The following EFCAB7 variants were observed in gnomAD, a reference collection of about 807,000 sequenced individuals.
The protein encoded by EFCAB7 is EF-hand calcium-binding domain-containing protein 7.
A neutral mutation model predicts 77.1 loss-of-function variants in EFCAB7; 66 were observed. The observed-to-expected ratio is 0.86, with a 90% confidence interval of 0.70 to 1.05. The LOEUF is 1.05. Among genes scored for constraint, EFCAB7 ranks in the 50% least tolerant of loss-of-function variants. The pLI is 0.00. For missense variants in EFCAB7, 638 were observed against 730.5 expected (o/e 0.87, Z 1.46); for synonymous variants, 225 against 243.3 (o/e 0.92, Z 0.70).
intron 11 of EFCAB7, 79 bp from the exon 12 acceptor site, chr1:63,568,231 T>A: frequency 4.0e-6 from 5 of 1,235,926 alleles, no homozygotes; most frequent in Non-Finnish European, 5.6e-6. Flanking sequence ...GTATAGCATA[T>A]CTTCTTATAT....
the EFCAB7 span, among the ~76,000 whole-genome samples, chr1:63,581,932 A>G: frequency 6.6e-6 from 1 of 152,264 alleles, no homozygotes; most frequent in South Asian, 2.1e-4. Flanking sequence ...TGCCATTCAT[A>G]GTCGAGACAA....
At chr1:63,526,815 A>T (rs1406543792) in intron 2 of EFCAB7, among the ~76,000 whole-genome samples, 3 of 151,818 alleles carry the variant, frequency 2.0e-5, no homozygotes, top group Admixed American at 2.0e-4. Flanking sequence ...TCCAGGCTGG[A>T]GTGCAGTGGC....
chr1:63,577,378 C>CCAG (rs901302366), downstream of EFCAB7, among the ~76,000 whole-genome samples: 20 of 152,082 alleles, frequency 1.3e-4, no homozygotes, highest in Admixed American at 6.6e-5. Flanking sequence ...AAATTCAAGG[C>CCAG]CAGCTTAAGT....
At chr1:63,542,396 G>C (rs1310727921) in intron 6 of EFCAB7, among the ~76,000 whole-genome samples, 3 of 152,128 alleles carry the variant, frequency 2.0e-5, no homozygotes, top group Non-Finnish European at 4.4e-5. Context: ...GCTATTGTGA[G>C]CAGTAATGCT....
chr1:63,564,327 A>G (rs1647145019), intron 11 of EFCAB7, among the ~76,000 whole-genome samples: 1 of 152,180 alleles, frequency 6.6e-6, no homozygotes. Flanking sequence ...AAAAAATAAA[A>G]CTATAGGGCA....
intron 11 of EFCAB7, among the ~76,000 whole-genome samples, chr1:63,562,517 TGAGACAAG>T (rs1225730370): frequency 2.2e-5 from 3 of 139,276 alleles, no homozygotes; most frequent in Non-Finnish European, 4.6e-5. Flanking sequence ...TTTTTTAATT[TGAGACAAG>T]GTCTTACTCT....
At chr1:63,571,159 T>A (rs778970551) in intron 13 of EFCAB7, 31 bp downstream of exon 13, 1 of 1,523,002 alleles carries the variant, frequency 6.6e-7, no homozygotes, top group African/African-American at 1.4e-5. Context: ...TAAAGCCTTT[T>A]GTTTTATGTC....
the EFCAB7 span, among the ~76,000 whole-genome samples, chr1:63,577,762 A>G: frequency 6.6e-6 from 1 of 152,220 alleles, no homozygotes; most frequent in African/African-American, 2.4e-5. Context: ...ATAATATTAA[A>G]TCTTAATAAA....
intron 9 of EFCAB7, among the ~76,000 whole-genome samples, chr1:63,556,129 T>A (rs2100911285): frequency 6.6e-6 from 1 of 152,110 alleles, no homozygotes; most frequent in South Asian, 2.1e-4. Flanking sequence ...GTTGGGGATA[T>A]GTTGGTGAAA....
At chr1:63,533,999 T>C (rs1282437821) in intron 5 of EFCAB7, 96 bp from the exon 6 acceptor site, 3 of 1,322,342 alleles carry the variant, frequency 2.3e-6, no homozygotes, top group Admixed American at 2.1e-5. Context: ...AGAATCAAAG[T>C]AATACAGTAG....
At position 63,550,889 on chromosome 1, in the gene EFCAB7, G is replaced by T. The variant is rs150549251; in HGVS notation, c.947-836G>T. Among the ~76,000 whole-genome samples the T allele has an allele frequency of 3.1e-4, 47 of 152,262 alleles. No homozygotes were observed. In the East Asian group the frequency reaches 6.2e-3, roughly 20 times the overall value. On this transcript the variant is annotated intron_variant, in intron 7 of 13. Coordinates refer to ENST00000371088, the MANE Select transcript of EFCAB7 (RefSeq NM_032437.4). ...GATTTTTGACCTGAGCAACTGGAAA[G>T]ACTGAGTTACCATTAACTGAGATGG...
Position 63,533,600 on chromosome 1 carries a change from A to G in EFCAB7, c.633A>G (p.Pro211=). ...GGGACCCATCACCAGTACCAAAACC[A>G]TCACCTAAAATCACAAGAAAAACTG... ...PERDPSPVPK[P]SPKITRKTDP... is the part of the protein sequence containing the mutation. Residue 211 remains proline, a synonymous_variant, in exon 5 of 14, where the codon CCA becomes CCG. Coordinates refer to ENST00000371088, the MANE Select transcript of EFCAB7 (RefSeq NM_032437.4). 1 of 1,589,016 alleles carries G rather than the reference A, an allele frequency of 6.3e-7. No individual in the cohort carries two copies. Among genetic ancestry groups the G allele is most frequent in the South Asian group, 1.2e-5 (1 of 86,498 alleles).
At chr1:63,534,016 T>C (rs956467882) in intron 5 of EFCAB7, 79 bp from the exon 6 acceptor site, 35 of 1,478,584 alleles carry the variant, frequency 2.4e-5, no homozygotes, top group Admixed American at 5.6e-5. Context: ...GTAGATCTTT[T>C]ATACTGCACT....
At chr1:63,579,771 T>C in the EFCAB7 span, among the ~76,000 whole-genome samples, 1 of 152,198 alleles carries the variant, frequency 6.6e-6, no homozygotes, top group Non-Finnish European at 1.5e-5. Context: ...CTCATTGTGA[T>C]TTTAGTTTGT....
At chr1:63,549,482 C>T (rs1166550460) in intron 7 of EFCAB7, 2 of 459,016 alleles carry the variant, frequency 4.4e-6, no homozygotes, top group South Asian at 3.2e-5. Flanking sequence ...AGGAGAGTAT[C>T]CAGGAGGTGG....
At chr1:63,547,067 T>A (rs1215231952) in intron 7 of EFCAB7, 1 of 152,176 alleles carries the variant, frequency 6.6e-6, no homozygotes, top group Non-Finnish European at 1.5e-5. Flanking sequence ...TTTTCCCTCC[T>A]AAAGTAGAGA....
chr1:63,541,674 C>T (rs1197848896), intron 6 of EFCAB7, among the ~76,000 whole-genome samples: 1 of 152,056 alleles, frequency 6.6e-6, no homozygotes, highest in Non-Finnish European at 1.5e-5. Flanking sequence ...AAGGAATTCT[C>T]CTACCTCAGC....
At chr1:63,535,466 G>A (rs146700038) in intron 6 of EFCAB7, among the ~76,000 whole-genome samples, 73 of 152,146 alleles carry the variant, frequency 4.8e-4, no homozygotes, top group African/African-American at 1.5e-3. Context: ...TTTATTGAAT[G>A]ACTACTGTGT....
chr1:63,582,675 T>A, the EFCAB7 span, among the ~76,000 whole-genome samples: 4 of 152,200 alleles, frequency 2.6e-5, no homozygotes, highest in East Asian at 7.7e-4. Flanking sequence ...TGGTGCCATC[T>A]CAGCTCACTG....
Sources: gnomAD v4.1 joint callset for allele counts (sites outside exome capture counted in the v4.1 genomes callset) on GRCh38, gnomAD v4.1.1 for gene constraint, MANE v1.5 for transcripts, NCBI Gene and HGNC (gene_info 2026-07-23, HGNC 2026-07-21) for gene names.